Variants in SPAG5 observed in about 807,000 individuals in gnomAD.
SPAG5 encodes sperm-associated antigen 5.
In SPAG5, 99 loss-of-function variants were observed where a neutral mutation model predicts 145.4. The observed-to-expected ratio is 0.68, with a 90% CI of 0.58 to 0.80. The LOEUF (loss-of-function observed/expected upper bound fraction) is 0.80, where lower values mean the gene tolerates loss of function less well. SPAG5 is among the 30% of genes least tolerant of loss of function. The pLI is 0.00. For synonymous variants in SPAG5, 477 were observed against 525.4 expected (o/e 0.91, Z 1.26); for missense variants, 1,192 against 1,416.0 (o/e 0.84, Z 2.54).
intron 2 of SPAG5, among the ~76,000 whole-genome samples, chr17:28,594,440 A>G (rs916534930): frequency 6.6e-6 from 1 of 152,150 alleles, no homozygotes; most frequent in Non-Finnish European, 1.5e-5. Flanking sequence ...CTAAAAATAC[A>G]AAAAATTAGC....
chr17:28,588,696 GTTGT>G (rs1228709016), intron 4 of SPAG5, among the ~76,000 whole-genome samples: 3 of 152,052 alleles, frequency 2.0e-5, no homozygotes, highest in Non-Finnish European at 2.9e-5. Context: ...TGTTGTTGTT[GTTGT>G]TTGAGACAGC....
intron 5 of SPAG5, 93 bp downstream of exon 5, chr17:28,586,332 G>C: frequency 8.1e-7 from 1 of 1,234,864 alleles, no homozygotes; most frequent in South Asian, 1.2e-5. Context: ...TCACCACCAC[G>C]ACTTAGTATC....
At chr17:28,593,868 A>G (rs1185705680) in intron 2 of SPAG5, among the ~76,000 whole-genome samples, 1 of 152,140 alleles carries the variant, frequency 6.6e-6, no homozygotes, top group Non-Finnish European at 1.5e-5. Context: ...AAGACATTTT[A>G]GAAATAATAA....
At chr17:28,595,302 T>A (rs369597563) in intron 2 of SPAG5, among the ~76,000 whole-genome samples, 47 of 151,358 alleles carry the variant, frequency 3.1e-4, no homozygotes, top group African/African-American at 1.1e-3. Context: ...TGTGTGTGTG[T>A]GTGTGTGCAT....
Position 28,577,767 on chromosome 17 carries a change from G to C in SPAG5, c.3514C>G (p.Leu1172Val), listed in dbSNP as rs759088362. ...DDIVQHIYKTLLSIPEVVRGC... is the reference protein window; with the variant it reads ...DDIVQHIYKTVLSIPEVVRGC... ...CTCACCACCTCTGGAATAGAGAGCA[G>C]GGTCTGGGAAGAGAGGCAGAAAACG... Residue 1172 changes from leucine to valine, a missense_variant, in exon 24 of 24, where the codon CTG becomes GTG. By Grantham distance (32) the Leu-to-Val change is conservative (BLOSUM62 1). This residue lies in a region of SPAG5 where 709 missense variants were observed against 840.7 expected (regional missense o/e 0.84). Coordinates refer to ENST00000321765, the MANE Select transcript of SPAG5 (RefSeq NM_006461.4). The C allele has an allele frequency of 6.2e-7, 1 of 1,613,494 alleles. No homozygotes were observed. The highest frequency in any genetic ancestry group is 8.5e-7 in the Non-Finnish European group (1 of 1,179,436).
intron 2 of SPAG5, among the ~76,000 whole-genome samples, chr17:28,597,539 A>G (rs2070674626): frequency 6.6e-6 from 1 of 152,242 alleles, no homozygotes; most frequent in Non-Finnish European, 1.5e-5. Flanking sequence ...CATCCCAGAA[A>G]GTTCTATTGG....
chr17:28,582,253 T>G (rs1473705789), intron 15 of SPAG5, among the ~76,000 whole-genome samples: 1 of 152,232 alleles, frequency 6.6e-6, no homozygotes, highest in Non-Finnish European at 1.5e-5. Flanking sequence ...GCATCTTGCC[T>G]TGTTCATCCT....
chr17:28,577,952 C>G, intron 23 of SPAG5, 58 bp downstream of exon 23: 1 of 1,465,372 alleles, frequency 6.8e-7, no homozygotes, highest in Non-Finnish European at 9.6e-7. Flanking sequence ...ATTAGTACCT[C>G]CTGGGGCCAG....
chr17:28,598,760 G>A, intron 1 of SPAG5, 125 bp from the exon 2 acceptor site: 1 of 1,511,474 alleles, frequency 6.6e-7, no homozygotes, highest in Non-Finnish European at 9.1e-7. Context: ...TAGTCGCGCA[G>A]GAGCAGCAAG....
intron 17 of SPAG5, 63 bp downstream of exon 17, chr17:28,579,688 G>A (rs574557343): frequency 6.4e-4 from 977 of 1,517,304 alleles, no homozygotes; most frequent in Non-Finnish European, 7.8e-4. Flanking sequence ...CACTGCTTTC[G>A]TCTTTACTCA....
Position 28,599,023 on chromosome 17 carries a change from C to A in SPAG5, c.-77G>T. ...TGTTCACCCGCCGTCTGTGTTTGAA[C>A]CTGCTCTGCGCTTCCTGGTTGGCTG... On this transcript the variant is annotated 5_prime_UTR_variant, in exon 1 of 24. Transcript: ENST00000321765. 1 of 1,467,144 alleles carries A rather than the reference C, an allele frequency of 6.8e-7. No homozygotes were observed. 90.9% of individuals were successfully genotyped at this position (1,467,144 alleles called of 1,614,324 possible).
chr17:28,586,577 A>T lies in SPAG5; in HGVS notation c.1438-78T>A, dbSNP rs1157948355. 2.5e-6 allele frequency: 3 copies of T among 1,205,126 alleles called. No individual in the cohort carries two copies. In the South Asian group the frequency reaches 3.7e-5, roughly 15 times the overall value. 74.7% of individuals were successfully genotyped at this position (1,205,126 alleles called of 1,614,324 possible). A position where few individuals can be genotyped will look rare whatever the true frequency, so the allele number is the denominator to read the frequency against. ...GACAGAGTCTTGCTCTATCATCCAGACTGGAGTGCAGTGGCACAATCTCAG... is the reference window on the plus strand; with the variant it reads ...GACAGAGTCTTGCTCTATCATCCAGTCTGGAGTGCAGTGGCACAATCTCAG... On this transcript the variant is annotated intron_variant, in intron 4 of 23. Coordinates refer to ENST00000321765, the MANE Select transcript of SPAG5 (RefSeq NM_006461.4).
At chr17:28,579,870 C>T (rs371437617) in intron 16 of SPAG5, 33 bp from the exon 17 acceptor site, 78 of 1,598,436 alleles carry the variant, frequency 4.9e-5, no homozygotes, top group Non-Finnish European at 6.5e-5. Context: ...GAGAGGGCCC[C>T]TCTGATGATC....
intron 2 of SPAG5, among the ~76,000 whole-genome samples, chr17:28,596,083 T>G (rs1392969536): frequency 6.6e-6 from 1 of 151,714 alleles, no homozygotes; most frequent in African/African-American, 2.4e-5. Context: ...GCACACACCG[T>G]AATCCCAGCT....
At chr17:28,589,594 T>C (rs150587552) in intron 4 of SPAG5, among the ~76,000 whole-genome samples, 2 of 152,280 alleles carry the variant, frequency 1.3e-5, no homozygotes, top group African/African-American at 4.8e-5. Flanking sequence ...TTCAGCCTAA[T>C]GTAATATATT....
In SPAG5 at chr17:28,577,609, T is replaced by G; in HGVS notation, c.*90A>C. On this transcript the variant is annotated 3_prime_UTR_variant, in exon 24 of 24. Coordinates refer to ENST00000321765, the MANE Select transcript of SPAG5 (RefSeq NM_006461.4). The stretch of plus-strand genomic sequence containing the variant: ...ACACTTTATTTAAATAGCATTTATC[T>G]CAGTTGGCTCTATGCCAGTTGGTCT... 1 of 841,722 alleles carries G rather than the reference T, an allele frequency of 1.2e-6. No homozygotes were observed. The highest frequency in any genetic ancestry group is 2.1e-6 in the Non-Finnish European group (1 of 485,238). The allele number at this position is 841,722 out of a possible 1,614,324, so 52.1% of individuals were successfully genotyped here. A position where few individuals can be genotyped will look rare whatever the true frequency, so the allele number is the denominator to read the frequency against.
chr17:28,581,885 C>A (rs541956849), intron 15 of SPAG5, among the ~76,000 whole-genome samples: 9 of 152,290 alleles, frequency 5.9e-5, no homozygotes, highest in African/African-American at 1.7e-4. Context: ...GGGCACAGAG[C>A]TGACCCGGAG....
chr17:28,592,293 G>T lies in SPAG5; in HGVS notation c.951C>A (p.Ser317=). The part of the protein sequence containing the change: ...CLTPNLVEME[S]QEAPGPAVED... ...CTACTGCTGGGCCTGGAGCTTCTTG[G>T]GATTCCATTTCTACTAGATTTGGTG... The change falls in exon 3 of 24, where the codon TCC becomes TCA. Residue 317 remains serine (S), a synonymous_variant. Transcript: ENST00000321765. 4 of 1,614,112 alleles carry T rather than the reference G, an allele frequency of 2.5e-6. No individual in the cohort carries two copies. The South Asian group carries it at 4.4e-5, about 18-fold the overall frequency.
At position 28,579,989 on chromosome 17, in the gene SPAG5, C is replaced by G; in HGVS notation, c.2797+20G>C. 6.3e-7 allele frequency: 1 copy of G among 1,598,562 alleles called. No individual in the cohort carries two copies. The highest frequency in any genetic ancestry group is 8.6e-7 in the Non-Finnish European group (1 of 1,167,228). Reference sequence around the variant, plus strand: ...AGCAGCGTCACAACTTTCCCACCCCCAAATCCCAGGGCCTTTAACCTTCAT... The same window carrying G: ...AGCAGCGTCACAACTTTCCCACCCCGAAATCCCAGGGCCTTTAACCTTCAT... On this transcript the variant is annotated intron_variant, in intron 16 of 23. Coordinates refer to ENST00000321765, the MANE Select transcript of SPAG5 (RefSeq NM_006461.4).
Sources: gnomAD v4.1 joint callset for allele counts (sites outside exome capture counted in the v4.1 genomes callset) on GRCh38, gnomAD v4.1.1 for gene constraint, gnomAD v4.1.1 regional missense constraint, MANE v1.5 for transcripts, NCBI Gene and HGNC (gene_info 2026-07-23, HGNC 2026-07-21) for gene names.